The following REEP1 variants were observed in gnomAD, a reference collection of about 807,000 sequenced individuals.
REEP1 encodes receptor accessory protein 1, also known as receptor expression-enhancing protein 1.
Under a neutral mutation model 40.3 loss-of-function variants are expected in REEP1, and 22 were observed. The observed-to-expected ratio is 0.55, with a 90% CI of 0.39 to 0.78. REEP1 has a LOEUF of 0.78. REEP1 is among the 30% of genes least tolerant of loss of function. The pLI is 0.00. For synonymous variants in REEP1, 116 were observed against 139.2 expected (o/e 0.83, Z 1.17); for missense variants, 280 against 361.1 (o/e 0.78, Z 1.82).
chr2:86,235,704 T>C (rs1675285135), intron 5 of REEP1, among the ~76,000 whole-genome samples: 1 of 152,212 alleles, frequency 6.6e-6, no homozygotes, highest in Admixed American at 6.5e-5. Flanking sequence ...GCAGGCATCG[T>C]ACACGTTCAT....
At chr2:86,324,578 G>T (rs901551194) in intron 1 of REEP1, among the ~76,000 whole-genome samples, 2 of 152,152 alleles carry the variant, frequency 1.3e-5, no homozygotes, top group Non-Finnish European at 2.9e-5. Flanking sequence ...AAGAACAAAT[G>T]GTGGAGCACT....
chr2:86,242,213 G>A (rs192737793), intron 5 of REEP1, among the ~76,000 whole-genome samples: 27 of 152,282 alleles, frequency 1.8e-4, no homozygotes, highest in African/African-American at 6.5e-4. Context: ...CTGTTTGCAG[G>A]TGAAGAAGCG....
At chr2:86,329,993 G>A (rs1680690076) in intron 1 of REEP1, among the ~76,000 whole-genome samples, 1 of 152,178 alleles carries the variant, frequency 6.6e-6, no homozygotes, top group Non-Finnish European at 1.5e-5. Flanking sequence ...AGACATGTAT[G>A]GAGAGTGTAG....
intron 2 of REEP1, among the ~76,000 whole-genome samples, chr2:86,274,487 CA>C (rs1294299571): frequency 4.6e-5 from 7 of 152,196 alleles, no homozygotes; most frequent in Non-Finnish European, 1.0e-4. Flanking sequence ...TTGAGGCTAA[CA>C]AGGTCAACGG....
At chr2:86,220,313 G>A (rs956286616) in intron 7 of REEP1, among the ~76,000 whole-genome samples, 192 bp from the exon 8 acceptor site, 5 of 152,210 alleles carry the variant, frequency 3.3e-5, no homozygotes, top group African/African-American at 9.7e-5. Flanking sequence ...GATTGTGAAA[G>A]TGCAGTTGTG....
rs10668934 is a variant in REEP1, at chr2:86,217,666, A to ATTTTTTTTTTTTTTTTTTTT, written c.784-557_784-556insAAAAAAAAAAAAAAAAAAAA. On this transcript the variant is annotated intron_variant, in intron 8 of 8. Coordinates refer to ENST00000538924, the MANE Select transcript of REEP1 (RefSeq NM_001371279.1). ...GAGTCAGAAGTGTTTGGGATTTCAG[A>ATTTTTTTTTTTTTTTTTTTT]TTTTTTTTTTTTTTTTTTCAGATTT... Among the ~76,000 whole-genome samples the ATTTTTTTTTTTTTTTTTTTT allele has an allele frequency of 1.2e-4, 13 of 112,896 alleles. 1 individual carries two copies. The highest frequency in any genetic ancestry group is 4.0e-4 in the African/African-American group (13 of 32,208). 74.1% of individuals were successfully genotyped at this position (112,896 alleles called of 152,430 possible).
intron 1 of REEP1, among the ~76,000 whole-genome samples, chr2:86,298,014 A>C (rs539016373): frequency 1.1e-3 from 160 of 152,330 alleles, no homozygotes; most frequent in Non-Finnish European, 1.9e-3. Flanking sequence ...GCCTGAGTTG[A>C]GGCATCGTCA....
At chr2:86,330,414 GGTGTGTGTGTGTGTGTGTGTGTGTGTGT>G (rs55660803) in intron 1 of REEP1, among the ~76,000 whole-genome samples, 8 of 127,800 alleles carry the variant, frequency 6.3e-5, no homozygotes, top group Non-Finnish European at 1.3e-4. Context: ...AGTGAATCCT[GGTGTGTGTGTGTGTGTGTGTGTGTGTGT>G]GTGTGTGTGT....
At position 86,217,105 on chromosome 2, in the gene REEP1, C is replaced by T. The variant is rs1373170665; in HGVS notation, c.789G>A (p.Pro263=). The change falls in exon 9 of 9, where the codon CCG becomes CCA. Residue 263 remains proline, a synonymous_variant. Transcript: ENST00000538924. ...PRRMELPLEA[P]PRILRSRFRK... is the part of the protein sequence containing the mutation. ...TGAAGCGAGATCGAAGGATTCTAGG[C>T]GGTGCCTGGTAGAGAAAACAGAAAG... 15 of 1,613,790 alleles carry T rather than the reference C, an allele frequency of 9.3e-6. No homozygotes were observed. The highest frequency in any genetic ancestry group is 1.2e-5 in the Non-Finnish European group (14 of 1,179,768).
chr2:86,293,038 C>T (rs556049889), intron 1 of REEP1, among the ~76,000 whole-genome samples: 1 of 152,318 alleles, frequency 6.6e-6, no homozygotes, highest in Non-Finnish European at 1.5e-5. Context: ...TTCCCTCTTA[C>T]ACAGGAGGGA....
chr2:86,225,435 C>A (rs1278363038), intron 7 of REEP1, among the ~76,000 whole-genome samples: 2 of 152,204 alleles, frequency 1.3e-5, no homozygotes, highest in Non-Finnish European at 2.9e-5. Context: ...CCTCACCCGG[C>A]TAATTTTATA....
intron 1 of REEP1, among the ~76,000 whole-genome samples, chr2:86,282,618 T>A (rs1678159261): frequency 6.6e-6 from 1 of 152,128 alleles, no homozygotes; most frequent in African/African-American, 2.4e-5. Flanking sequence ...CTCAGGCTTC[T>A]TTCTCCATCA....
At chr2:86,332,406 C>G (rs1007709419) in intron 1 of REEP1, among the ~76,000 whole-genome samples, 2 of 150,628 alleles carry the variant, frequency 1.3e-5, no homozygotes, top group Non-Finnish European at 2.9e-5. Context: ...CCATATCTCT[C>G]CTTTCCCTAG....
At chr2:86,330,963 C>T (rs1680735710) in intron 1 of REEP1, among the ~76,000 whole-genome samples, 1 of 152,130 alleles carries the variant, frequency 6.6e-6, no homozygotes, top group Non-Finnish European at 1.5e-5. Context: ...TTATAAGCAG[C>T]ATTTAAAGTT....
chr2:86,273,964 G>T (rs1239458345), intron 2 of REEP1, among the ~76,000 whole-genome samples: 1 of 152,236 alleles, frequency 6.6e-6, no homozygotes, highest in Non-Finnish European at 1.5e-5. Flanking sequence ...GGTACTGAAT[G>T]AGTATGTTTC....
At chr2:86,251,456 G>A (rs1558889104) in intron 5 of REEP1, 2 of 193,716 alleles carry the variant, frequency 1.0e-5, no homozygotes, top group East Asian at 2.4e-4. Context: ...TAGGACCTGG[G>A]TTCCTTCCCC....
chr2:86,296,279 T>C (rs376689444), intron 1 of REEP1, among the ~76,000 whole-genome samples: 69 of 152,316 alleles, frequency 4.5e-4, no homozygotes, highest in African/African-American at 1.5e-3. Context: ...CATTTGCACA[T>C]ACAAAAACTC....
intron 6 of REEP1, among the ~76,000 whole-genome samples, chr2:86,228,211 T>C (rs1035599): frequency 0.69 from 105,602 of 152,060 alleles, 40,539 homozygotes; most frequent in Non-Finnish European, 0.85. Context: ...CATACAGAGG[T>C]CTCTGTGTGC....
intron 1 of REEP1, among the ~76,000 whole-genome samples, chr2:86,295,959 A>G (rs900642274): frequency 6.6e-6 from 1 of 152,286 alleles, no homozygotes; most frequent in Admixed American, 6.5e-5. Flanking sequence ...AAACTAGGTC[A>G]CTAAGGAGAA....
Sources: allele counts gnomAD v4.1 joint callset (sites outside exome capture counted in the v4.1 genomes callset), GRCh38; gene constraint gnomAD v4.1.1; transcripts MANE v1.5; gene names NCBI Gene and HGNC (gene_info 2026-07-23, HGNC 2026-07-21).